The following TMC3 variants were observed in gnomAD, a reference collection of about 807,000 sequenced individuals.
TMC3 encodes transmembrane channel-like protein 3.
Under a neutral mutation model 110.6 loss-of-function variants are expected in TMC3, and 98 were observed. The observed-to-expected ratio is 0.89, with a 90% confidence interval of 0.75 to 1.05. The LOEUF is 1.05. Ranked by LOEUF, TMC3 falls within the 50% of genes least tolerant of loss-of-function variation. The pLI, the probability that TMC3 is intolerant of heterozygous loss-of-function variation, is 0.00. For missense variants in TMC3, 1,319 were observed against 1,373.2 expected (o/e 0.96, Z 0.62); for synonymous variants, 489 against 513.1 (o/e 0.95, Z 0.63).
Position 81,359,397 on chromosome 15 carries a change from T to G in TMC3, c.469A>C (p.Ile157Leu), listed in dbSNP as rs185309297. The G allele has an allele frequency of 1.4e-4, 220 of 1,606,852 alleles. No individual in the cohort carries two copies. In the Middle Eastern group the frequency reaches 2.5e-3, roughly 18 times the overall value. The stretch of plus-strand genomic sequence containing the variant: ...ATGACAATAAAAGCACCTGTCATAA[T>G]GGTGAGCACAATATTAATTCCAAAT... ...WLFGINIVLT[I>L]MTGAFIVIPE... is the part of the protein sequence containing the mutation. Residue 157 changes from isoleucine to leucine, a missense_variant, in exon 5 of 22, where the codon ATT becomes CTT. Physicochemically the swap from Ile to Leu is conservative, Grantham distance 5. Coordinates refer to ENST00000359440, the MANE Select transcript of TMC3 (RefSeq NM_001080532.3).
At chr15:81,339,901 G>T (rs1265491916) in intron 16 of TMC3, among the ~76,000 whole-genome samples, 1 of 152,186 alleles carries the variant, frequency 6.6e-6, no homozygotes, top group African/African-American at 2.4e-5. Context: ...TCCCAGGCTT[G>T]AACTTGTCTC....
intron 19 of TMC3, chr15:81,337,508 C>G (rs2141692323): frequency 2.4e-6 from 1 of 408,490 alleles, no homozygotes; most frequent in South Asian, 2.6e-5. Context: ...GGGGCCCTTT[C>G]TCTCCCCTGC....
chr15:81,344,195 G>T, intron 13 of TMC3, 150 bp from the exon 14 acceptor site: 1 of 756,694 alleles, frequency 1.3e-6, no homozygotes, highest in Non-Finnish European at 2.0e-6. Context: ...TTTGTAAGTT[G>T]CAGTGGGCAG....
intron 2 of TMC3, among the ~76,000 whole-genome samples, chr15:81,369,929 A>AAAC (rs1272779287): frequency 2.6e-5 from 4 of 152,244 alleles, no homozygotes; most frequent in African/African-American, 4.8e-5. Flanking sequence ...GTTTCATAAC[A>AAAC]AACAACAACA....
At chr15:81,357,902 TTG>T (rs1894100123) in intron 7 of TMC3, among the ~76,000 whole-genome samples, 1 of 152,232 alleles carries the variant, frequency 6.6e-6, no homozygotes. Context: ...CAATAAGTAC[TTG>T]TTAAAATGAA....
intron 12 of TMC3, among the ~76,000 whole-genome samples, chr15:81,345,363 C>CTTACAA (rs1893804361): frequency 6.6e-6 from 1 of 152,222 alleles, no homozygotes; most frequent in Admixed American, 6.5e-5. Flanking sequence ...TGCTCAAGGT[C>CTTACAA]ACGCTGCTAG....
At chr15:81,361,991 C>T (rs1001068109) in intron 4 of TMC3, 6 of 392,900 alleles carry the variant, frequency 1.5e-5, no homozygotes, top group South Asian at 1.5e-4. Flanking sequence ...ACAGCAGAGC[C>T]GCAGCGGAAT....
intron 13 of TMC3, 84 bp downstream of exon 13, chr15:81,344,680 CAT>C (rs1197659525): frequency 1.5e-6 from 2 of 1,346,652 alleles, no homozygotes; most frequent in African/African-American, 2.9e-5. Flanking sequence ...TTTTCTATAA[CAT>C]AGGGGCAGTG....
intron 3 of TMC3, among the ~76,000 whole-genome samples, chr15:81,362,855 A>G (rs1380030358): frequency 6.6e-6 from 1 of 152,172 alleles, no homozygotes; most frequent in Admixed American, 6.5e-5. Flanking sequence ...TTTAAGGACC[A>G]AGAGTCTAGA....
rs777041089 is a variant in TMC3, at chr15:81,332,605, C to T, written c.3117G>A (p.Thr1039=). 2.0e-5 allele frequency: 33 copies of T among 1,613,956 alleles called. 1 individual carries two copies. In the South Asian group the frequency reaches 3.4e-4, roughly 17 times the overall value. The part of the protein sequence containing the change: ...RGKPRFEPSL[T]ESDSVSAASS... ...ATGCTGCCGACACGGAGTCAGATTC[C>T]GTGAGGGATGGCTCGAACCTGGGCT... Residue 1039 remains threonine, a synonymous_variant, in exon 22 of 22, where the codon ACG becomes ACA. Coordinates refer to ENST00000359440, the MANE Select transcript of TMC3 (RefSeq NM_001080532.3).
At chr15:81,372,865 T>TTTTGCGTG in intron 1 of TMC3, 128 bp from the exon 2 acceptor site, 1 of 579,552 alleles carries the variant, frequency 1.7e-6, no homozygotes. Flanking sequence ...GTGTATGTGT[T>TTTTGCGTG]TGTGCGTGTG....
At chr15:81,351,965 A>G (rs1202839225) in intron 9 of TMC3, 124 bp from the exon 10 acceptor site, 10 of 1,147,614 alleles carry the variant, frequency 8.7e-6, no homozygotes, top group Non-Finnish European at 1.2e-5. Context: ...GCCCTGAAGC[A>G]TCAATGCACT....
chr15:81,365,859 C>T (rs900784533), intron 3 of TMC3, among the ~76,000 whole-genome samples: 5 of 152,110 alleles, frequency 3.3e-5, no homozygotes, highest in Non-Finnish European at 5.9e-5. Context: ...TATGATAGTT[C>T]ATGAAAAGTA....
At chr15:81,334,674 ATC>A (rs1416902765) in intron 21 of TMC3, 44 bp downstream of exon 21, 1 of 1,576,858 alleles carries the variant, frequency 6.3e-7, no homozygotes, top group South Asian at 1.2e-5. Flanking sequence ...AGGCCTTCAA[ATC>A]TCTCACATTC....
At position 81,346,222 on chromosome 15, in the gene TMC3, A is replaced by C. The variant is rs1047455034; in HGVS notation, c.1272+143T>G. 4.0e-6 allele frequency: 3 copies of C among 747,998 alleles called. No individual in the cohort carries two copies. The African/African-American group carries it at 5.2e-5, about 13-fold the overall frequency. The allele number at this position is 747,998 out of a possible 1,614,324, so 46.3% of individuals were successfully genotyped here. On this transcript the variant is annotated intron_variant, in intron 12 of 21. Coordinates refer to ENST00000359440, the MANE Select transcript of TMC3 (RefSeq NM_001080532.3). ...ATTTTTCTCTCCTTACCTTGAGAAGACTCCAGCAAAGTCAAGTTTTGCACA... is the reference window on the plus strand; with the variant it reads ...ATTTTTCTCTCCTTACCTTGAGAAGCCTCCAGCAAAGTCAAGTTTTGCACA...
intron 9 of TMC3, among the ~76,000 whole-genome samples, chr15:81,353,475 G>A (rs1893995252): frequency 6.6e-6 from 1 of 152,064 alleles, no homozygotes; most frequent in South Asian, 2.1e-4. Context: ...GCTAATTCAT[G>A]GTAAGTTCCC....
intron 3 of TMC3, among the ~76,000 whole-genome samples, chr15:81,364,699 C>A (rs1894268087): frequency 1.1e-5 from 1 of 95,016 alleles, no homozygotes; most frequent in Non-Finnish European, 1.9e-5. Flanking sequence ...AAACATTATT[C>A]CAAAAAAAAA....
intron 5 of TMC3, 73 bp from the exon 6 acceptor site, chr15:81,358,573 T>C (rs1281752685): frequency 8.1e-7 from 1 of 1,230,192 alleles, no homozygotes; most frequent in Admixed American, 2.5e-5. Context: ...GAGGTTGATC[T>C]CCATGTGCTT....
rs202031928 is a variant in TMC3 at position 81,344,940 on chromosome 15, A to G, written c.1344T>C (p.Pro448=). ...STTFFATRTA[P]EEEKWSTSRP... ...GAGATGTGGACCATTTCTCTTCTTC[A>G]GGGGCTGTCCTGGTTGCAAAGAAGG... The change falls in exon 13 of 22, where the codon CCT becomes CCC. Residue 448 remains proline, a synonymous_variant. Coordinates refer to ENST00000359440, the MANE Select transcript of TMC3 (RefSeq NM_001080532.3). The G allele has an allele frequency of 2.5e-6, 4 of 1,613,144 alleles. No individual in the cohort carries two copies. The highest frequency in any genetic ancestry group is 1.6e-4 in the Middle Eastern group (1 of 6,062).
Sources: allele counts gnomAD v4.1 joint callset (sites outside exome capture counted in the v4.1 genomes callset), GRCh38; gene constraint gnomAD v4.1.1; transcripts MANE v1.5; gene names NCBI Gene and HGNC (gene_info 2026-07-23, HGNC 2026-07-21).